TAFA1: variants seen among roughly 807,000 people sequenced by gnomAD.
The protein encoded by TAFA1 is chemokine-like protein TAFA-1.
Under a neutral mutation model 18.5 loss-of-function variants are expected in TAFA1, and 4 were observed. The observed-to-expected ratio is 0.22, with a 90% CI of 0.11 to 0.49. The LOEUF is 0.49. Among genes scored for constraint, TAFA1 ranks in the 20% least tolerant of loss-of-function variants. The pLI is 0.98. For missense variants in TAFA1, 147 were observed against 169.0 expected (o/e 0.87, Z 0.72); for synonymous variants, 56 against 55.2 (o/e 1.01, Z -0.06).
At chr3:68,237,743 T>C (rs1003654327) in intron 2 of TAFA1, among the ~76,000 whole-genome samples, 3 of 152,174 alleles carry the variant, frequency 2.0e-5, no homozygotes, top group Non-Finnish European at 4.4e-5. Context: ...TATTCAAAGA[T>C]GTTGAGTTGG....
intron 3 of TAFA1, among the ~76,000 whole-genome samples, chr3:68,484,156 G>A (rs1231278708): frequency 2.0e-5 from 3 of 152,110 alleles, no homozygotes; most frequent in African/African-American, 4.8e-5. Flanking sequence ...AATTATTAAC[G>A]AGTTATTTTA....
At chr3:68,381,269 A>T (rs1467257919) in intron 2 of TAFA1, among the ~76,000 whole-genome samples, 1 of 151,478 alleles carries the variant, frequency 6.6e-6, no homozygotes, top group South Asian at 2.1e-4. Flanking sequence ...TTTTGGTTCC[A>T]TATGAACTTT....
intron 2 of TAFA1, among the ~76,000 whole-genome samples, chr3:68,385,896 A>C (rs2070092546): frequency 1.3e-5 from 2 of 152,130 alleles, no homozygotes; most frequent in African/African-American, 4.8e-5. Flanking sequence ...TAGCATATCC[A>C]TCATCTTGAA....
At chr3:68,263,186 C>G (rs9850251) in intron 2 of TAFA1, among the ~76,000 whole-genome samples, 11,703 of 151,980 alleles carry the variant, frequency 0.077, 490 homozygotes, top group South Asian at 0.12. Flanking sequence ...TTCTAATATC[C>G]CTCACATAGG....
intron 2 of TAFA1, among the ~76,000 whole-genome samples, chr3:68,281,546 T>C (rs9838293): frequency 0.22 from 33,380 of 149,040 alleles, 3,878 homozygotes; most frequent in South Asian, 0.32. Flanking sequence ...CTCGGCTCAC[T>C]GCAACCTCCA....
At chr3:68,459,592 A>C (rs1176451140) in intron 3 of TAFA1, among the ~76,000 whole-genome samples, 1 of 152,238 alleles carries the variant, frequency 6.6e-6, no homozygotes, top group Non-Finnish European at 1.5e-5. Context: ...TGAGGACAAA[A>C]TAAATGAAAC....
At chr3:68,060,153 G>C (rs903554255) in intron 2 of TAFA1, among the ~76,000 whole-genome samples, 4 of 151,962 alleles carry the variant, frequency 2.6e-5, no homozygotes, top group Non-Finnish European at 5.9e-5. Context: ...TGACTTATGT[G>C]CCTCATCACC....
intron 2 of TAFA1, among the ~76,000 whole-genome samples, chr3:68,406,034 C>T (rs1168089611): frequency 3.9e-5 from 6 of 151,964 alleles, no homozygotes; most frequent in Admixed American, 6.6e-5. Context: ...TTACAGTATC[C>T]GTTAAATTTA....
At position 68,542,074 on chromosome 3, in the gene TAFA1, G is replaced by A. The variant is rs996730789; in HGVS notation, c.385-2412G>A. ...CTGAGTGATATTATTACCCCAGAAGGAAGGAGAAAATATAGGTGGAATTAG... is the reference window on the plus strand; with the variant it reads ...CTGAGTGATATTATTACCCCAGAAGAAAGGAGAAAATATAGGTGGAATTAG... On this transcript the variant is annotated intron_variant, in intron 4 of 4. Transcript: ENST00000478136. Among the ~76,000 whole-genome samples, 12 of 152,234 alleles carry A rather than the reference G, an allele frequency of 7.9e-5. No individual in the cohort carries two copies. In the South Asian group the frequency reaches 2.3e-3, roughly 29 times the overall value.
chr3:68,171,594 A>G (rs781567659), intron 2 of TAFA1, among the ~76,000 whole-genome samples: 16 of 152,236 alleles, frequency 1.1e-4, no homozygotes, highest in Admixed American at 8.5e-4. Context: ...GAAGCCAATC[A>G]ATAGAAGCTA....
intron 2 of TAFA1, among the ~76,000 whole-genome samples, chr3:68,338,122 A>G (rs191636049): frequency 3.8e-4 from 58 of 152,346 alleles, no homozygotes; most frequent in Middle Eastern, 6.8e-3. Flanking sequence ...ACTACCTGCT[A>G]TGGATCTTTC....
At chr3:68,108,296 A>G (rs1427332938) in intron 2 of TAFA1, among the ~76,000 whole-genome samples, 3 of 152,160 alleles carry the variant, frequency 2.0e-5, no homozygotes, top group Non-Finnish European at 4.4e-5. Flanking sequence ...ACTGAATTGT[A>G]TTAAATATTA....
chr3:68,524,082 C>T (rs2073068467), intron 3 of TAFA1, among the ~76,000 whole-genome samples: 1 of 152,190 alleles, frequency 6.6e-6, no homozygotes, highest in South Asian at 2.1e-4. Flanking sequence ...TACCATTTCT[C>T]ACGATTCTGT....
rs57059146 is a variant in TAFA1, at chr3:68,439,412, CATATATATAT to C, written c.259+22015_259+22024del. 2.8e-3 allele frequency among the ~76,000 whole-genome samples: 204 copies of C among 73,430 alleles called. 8 individuals are homozygous for C. Among genetic ancestry groups the C allele is most frequent in the African/African-American group, 0.01 (146 of 14,050 alleles). 48.2% of individuals were successfully genotyped at this position (73,430 alleles called of 152,430 possible). A position where few individuals can be genotyped will look rare whatever the true frequency, so the allele number is the denominator to read the frequency against. ...AGAAGTAATAGAATATATATACATACATATATATATATATATATATATATATATATATGAG... is the reference window on the plus strand; with the variant it reads ...AGAAGTAATAGAATATATATACATACATATATATATATATATATATATGAG... On this transcript the variant is annotated intron_variant, in intron 3 of 4. Transcript: ENST00000478136.
At chr3:68,286,799 A>G (rs2068015917) in intron 2 of TAFA1, among the ~76,000 whole-genome samples, 1 of 152,178 alleles carries the variant, frequency 6.6e-6, no homozygotes. Context: ...CTCTAACTAG[A>G]AGGGTAAGAG....
At chr3:68,235,541 G>A (rs1215213850) in intron 2 of TAFA1, among the ~76,000 whole-genome samples, 1 of 152,158 alleles carries the variant, frequency 6.6e-6, no homozygotes, top group African/African-American at 2.4e-5. Flanking sequence ...TCTGGGAATG[G>A]AGAACTTTTG....
chr3:68,411,437 A>T (rs1326530944), intron 2 of TAFA1, among the ~76,000 whole-genome samples: 4 of 152,212 alleles, frequency 2.6e-5, no homozygotes, highest in African/African-American at 9.6e-5. Flanking sequence ...TCATCTACCC[A>T]TCTAAATGTA....
intron 2 of TAFA1, among the ~76,000 whole-genome samples, chr3:68,187,345 C>T (rs2066283430): frequency 6.6e-6 from 1 of 151,928 alleles, no homozygotes; most frequent in Admixed American, 6.6e-5. Context: ...CATTGTCAGA[C>T]TTAGATGGCT....
chr3:68,301,264 C>T (rs1454607472), intron 2 of TAFA1, among the ~76,000 whole-genome samples: 1 of 152,124 alleles, frequency 6.6e-6, no homozygotes, highest in Non-Finnish European at 1.5e-5. Flanking sequence ...TAAACTTCAT[C>T]CTCCTTATGT....
Sources: gnomAD v4.1 joint callset for allele counts (sites outside exome capture counted in the v4.1 genomes callset) on GRCh38, gnomAD v4.1.1 for gene constraint, MANE v1.5 for transcripts, NCBI Gene and HGNC (gene_info 2026-07-23, HGNC 2026-07-21) for gene names.